NDUFAF2: variants seen among roughly 807,000 people sequenced by gnomAD.
NDUFAF2 encodes the protein NADH:ubiquinone oxidoreductase complex assembly factor 2, also known as NADH dehydrogenase [ubiquinone] 1 alpha subcomplex assembly factor 2.
NDUFAF2 carries 13 observed loss-of-function variants against 22.8 expected under a neutral mutation model. The observed-to-expected ratio is 0.57, with a 90% CI of 0.37 to 0.91. The LOEUF (loss-of-function observed/expected upper bound fraction) is 0.91. Ranked by LOEUF, NDUFAF2 falls within the 40% of genes least tolerant of loss-of-function variation. The pLI is 0.01. For missense variants in NDUFAF2, 162 were observed against 195.2 expected, an observed-to-expected ratio of 0.83 and a Z score of 1.01; for synonymous variants, 53 against 64.2, an observed-to-expected ratio of 0.83 and a Z score of 0.84.
At chr5:61,018,182 T>G (rs561361137) in intron 1 of NDUFAF2, among the ~76,000 whole-genome samples, 20 of 152,322 alleles carry the variant, frequency 1.3e-4, no homozygotes, top group African/African-American at 4.3e-4. Context: ...ATTTATATGG[T>G]AAAATAATAT....
At chr5:61,114,608 T>G (rs1196855941) in intron 3 of NDUFAF2, 1 of 152,226 alleles carries the variant, frequency 6.6e-6, no homozygotes, top group Non-Finnish European at 1.5e-5. Flanking sequence ...TCATCGGGTC[T>G]GGGCATTGAA....
At chr5:61,019,613 T>TA (rs1195762302) in intron 1 of NDUFAF2, among the ~76,000 whole-genome samples, 1 of 152,072 alleles carries the variant, frequency 6.6e-6, no homozygotes, top group Non-Finnish European at 1.5e-5. Flanking sequence ...CTAATGTAGC[T>TA]AAAAAACCCT....
chr5:60,986,944 A>G (rs1278651808), intron 1 of NDUFAF2, among the ~76,000 whole-genome samples: 1 of 151,584 alleles, frequency 6.6e-6, no homozygotes, highest in East Asian at 1.9e-4. Context: ...TCTCAAAAAA[A>G]AAAAAAAAAA....
At chr5:61,003,996 C>T (rs188162156) in intron 1 of NDUFAF2, among the ~76,000 whole-genome samples, 120 of 143,614 alleles carry the variant, frequency 8.4e-4, no homozygotes, top group African/African-American at 2.9e-3. Context: ...TAAACATCTC[C>T]GATGCCTGTA....
rs1213269417 is a variant in NDUFAF2 at position 61,136,038 on chromosome 5, TATATCTAG to T, written c.259-16665_259-16658del. 9.8e-3 allele frequency among the ~76,000 whole-genome samples: 1,231 copies of T among 125,988 alleles called. 26 individuals carry two copies. The highest frequency in any genetic ancestry group is 0.02 in the Middle Eastern group (5 of 256). 82.7% of individuals were successfully genotyped at this position (125,988 alleles called of 152,430 possible). On this transcript the variant is annotated intron_variant, in intron 3 of 3. Transcript: ENST00000296597. ...ATATATATATATATATATATATATA[TATATCTAG>T]GGTGGATTGCTTTTTTTCTCACCAG...
At chr5:61,033,162 G>A (rs931751780) in intron 1 of NDUFAF2, among the ~76,000 whole-genome samples, 3 of 152,088 alleles carry the variant, frequency 2.0e-5, no homozygotes, top group African/African-American at 7.2e-5. Flanking sequence ...TCTGTTTATA[G>A]CAATTGTGAA....
intron 1 of NDUFAF2, among the ~76,000 whole-genome samples, chr5:61,022,292 C>T (rs113041354): frequency 4.6e-5 from 7 of 152,256 alleles, no homozygotes; most frequent in Non-Finnish European, 7.4e-5. Flanking sequence ...TATCTTTTCT[C>T]GTAACATATT....
At chr5:61,114,412 T>C (rs1752881473) in intron 3 of NDUFAF2, 1 of 152,236 alleles carries the variant, frequency 6.6e-6, no homozygotes, top group African/African-American at 2.4e-5. Context: ...TAAATTTATC[T>C]GATAGAATAG....
chr5:61,033,399 A>G (rs1376000256), intron 1 of NDUFAF2, among the ~76,000 whole-genome samples: 1 of 152,186 alleles, frequency 6.6e-6, no homozygotes, highest in East Asian at 1.9e-4. Context: ...AATAACATAG[A>G]TGTTAAAGAC....
chr5:60,971,388 G>A (rs1198134757), intron 1 of NDUFAF2, among the ~76,000 whole-genome samples: 8 of 151,462 alleles, frequency 5.3e-5, no homozygotes, highest in South Asian at 2.1e-4. Context: ...CCGGGTTCAC[G>A]CCATTCTCCT....
At chr5:61,005,721 T>G (rs1418281206) in intron 1 of NDUFAF2, among the ~76,000 whole-genome samples, 1 of 152,248 alleles carries the variant, frequency 6.6e-6, no homozygotes, top group Non-Finnish European at 1.5e-5. Flanking sequence ...ATGTGTCTGT[T>G]GGCTGCATAA....
chr5:61,100,030 C>T (rs530743895), intron 3 of NDUFAF2, among the ~76,000 whole-genome samples: 1 of 152,220 alleles, frequency 6.6e-6, no homozygotes, highest in Non-Finnish European at 1.5e-5. Context: ...ATCTCTTGAC[C>T]CATTTCTAGC....
chr5:61,057,600 G>A (rs761999377), intron 1 of NDUFAF2, among the ~76,000 whole-genome samples: 1 of 152,086 alleles, frequency 6.6e-6, no homozygotes, highest in Non-Finnish European at 1.5e-5. Context: ...ACATGTAAGG[G>A]GAGGGGAGAA....
At chr5:60,995,501 G>A (rs567960801) in intron 1 of NDUFAF2, among the ~76,000 whole-genome samples, 2 of 152,284 alleles carry the variant, frequency 1.3e-5, no homozygotes, top group African/African-American at 4.8e-5. Flanking sequence ...AGAGACTCTT[G>A]TACTCTTCTC....
chr5:60,983,881 T>G (rs1463523576), intron 1 of NDUFAF2, among the ~76,000 whole-genome samples: 1 of 152,084 alleles, frequency 6.6e-6, no homozygotes, highest in Non-Finnish European at 1.5e-5. Context: ...CTTGGCAATG[T>G]GGCTCTTTTT....
At chr5:60,986,891 C>T (rs1164122842) in intron 1 of NDUFAF2, among the ~76,000 whole-genome samples, 2 of 147,496 alleles carry the variant, frequency 1.4e-5, no homozygotes, top group Non-Finnish European at 3.0e-5. Flanking sequence ...GAGATTATGC[C>T]ATTGCACTCT....
chr5:61,004,819 G>C (rs111273037), intron 1 of NDUFAF2, among the ~76,000 whole-genome samples: 2,480 of 152,116 alleles, frequency 0.016, 79 homozygotes, highest in African/African-American at 0.057. Flanking sequence ...ACCCAAAATA[G>C]TCCATTTAAG....
chr5:60,957,232 A>G (rs1186038291), intron 1 of NDUFAF2, among the ~76,000 whole-genome samples: 1 of 152,128 alleles, frequency 6.6e-6, no homozygotes, highest in African/African-American at 2.4e-5. Flanking sequence ...TTACAGTTAT[A>G]CTTGTGGTTA....
At chr5:61,058,830 A>G (rs575630637) in intron 1 of NDUFAF2, among the ~76,000 whole-genome samples, 3 of 152,186 alleles carry the variant, frequency 2.0e-5, no homozygotes, top group Non-Finnish European at 4.4e-5. Context: ...ATCAATCAAA[A>G]CCTGAAATGA....
Sources: gnomAD v4.1 joint callset for allele counts (sites outside exome capture counted in the v4.1 genomes callset) on GRCh38, gnomAD v4.1.1 for gene constraint, MANE v1.5 for transcripts, NCBI Gene and HGNC (gene_info 2026-07-23, HGNC 2026-07-21) for gene names.